Variants in SPOCK3 observed in about 807,000 individuals in gnomAD.
The protein encoded by SPOCK3 is testican-3.
A neutral mutation model predicts 56.6 loss-of-function variants in SPOCK3; 30 were observed. The ratio of observed to expected loss-of-function variants is 0.53; its 90% CI spans 0.40 to 0.72. The LOEUF is 0.72. Ranked by LOEUF, SPOCK3 falls within the 30% of genes least tolerant of loss-of-function variation. The pLI, the probability that SPOCK3 is intolerant of heterozygous loss-of-function variation, is 0.00. For missense variants in SPOCK3, 527 were observed against 530.0 expected (o/e 0.99, Z 0.06); for synonymous variants, 196 against 183.3 (o/e 1.07, Z -0.56).
chr4:167,222,374 A>G lies in SPOCK3; in HGVS notation c.189+11611T>C, dbSNP rs989872070. 4.0e-5 allele frequency among the ~76,000 whole-genome samples: 6 copies of G among 151,736 alleles called. No homozygotes were observed. The East Asian group carries it at 5.8e-4, about 15-fold the overall frequency. The stretch of plus-strand genomic sequence containing the variant: ...AGTTCTGGAGACTGGTTGCAAAACA[A>G]TGTGAATATACTTGACACTACTGAA... On this transcript the variant is annotated intron_variant, in intron 2 of 10. Coordinates refer to ENST00000357545, the MANE Select transcript of SPOCK3 (RefSeq NM_001040159.2).
intron 2 of SPOCK3, among the ~76,000 whole-genome samples, chr4:167,109,403 A>G (rs1332401493): frequency 4.7e-4 from 40 of 84,636 alleles, no homozygotes; most frequent in Non-Finnish European, 4.5e-4. Context: ...ATATATTTAT[A>G]TATAAATATA....
intron 2 of SPOCK3, among the ~76,000 whole-genome samples, chr4:167,116,909 G>GTATATATATATATA (rs1446671235): frequency 0.016 from 1,942 of 123,050 alleles, 50 homozygotes; most frequent in Admixed American, 0.03. Context: ...TTGTGTGTGT[G>GTATATATATATATA]TGTGTATATA....
intron 10 of SPOCK3, 79 bp downstream of exon 10, chr4:166,737,388 G>T: frequency 6.9e-7 from 1 of 1,441,076 alleles, no homozygotes; most frequent in Non-Finnish European, 9.5e-7. Context: ...CTCATTAAAT[G>T]CTTGAACAAA....
chr4:166,739,295 C>G (rs904350965), intron 9 of SPOCK3, among the ~76,000 whole-genome samples: 3 of 152,076 alleles, frequency 2.0e-5, no homozygotes, highest in African/African-American at 7.2e-5. Context: ...GGCTGGAGTG[C>G]AGTGGGGCGA....
At chr4:166,752,546 ATGTGTG>A (rs1560820644) in intron 8 of SPOCK3, among the ~76,000 whole-genome samples, 1 of 63,498 alleles carries the variant, frequency 1.6e-5, no homozygotes, top group Non-Finnish European at 3.5e-5. Flanking sequence ...GAGTAGCTAT[ATGTGTG>A]TATATATATA....
intron 2 of SPOCK3, among the ~76,000 whole-genome samples, chr4:167,171,648 G>A (rs891582912): frequency 6.6e-6 from 1 of 152,028 alleles, no homozygotes; most frequent in African/African-American, 2.4e-5. Flanking sequence ...TACGAGGCAG[G>A]TGAGACAATC....
At chr4:166,841,878 C>A (rs1037759955) in intron 6 of SPOCK3, among the ~76,000 whole-genome samples, 2 of 152,142 alleles carry the variant, frequency 1.3e-5, no homozygotes, top group Admixed American at 6.5e-5. Flanking sequence ...AAGAATGAAG[C>A]CGTGGACCCT....
intron 6 of SPOCK3, among the ~76,000 whole-genome samples, chr4:166,833,490 C>T (rs775241758): frequency 6.6e-6 from 1 of 152,044 alleles, no homozygotes; most frequent in Non-Finnish European, 1.5e-5. Flanking sequence ...CTTTTGGTTC[C>T]TATCGGTTTT....
chr4:167,149,368 C>T (rs757822311), intron 2 of SPOCK3, among the ~76,000 whole-genome samples: 6 of 151,992 alleles, frequency 3.9e-5, no homozygotes, highest in African/African-American at 1.4e-4. Context: ...ATTTGCTATA[C>T]AGAAGGGTGC....
chr4:166,895,260 C>G (rs554279401), intron 5 of SPOCK3, among the ~76,000 whole-genome samples: 1 of 151,476 alleles, frequency 6.6e-6, no homozygotes. Flanking sequence ...GTATATAATA[C>G]GAGATTTGCC....
At chr4:167,069,185 C>T (rs745853695) in intron 2 of SPOCK3, among the ~76,000 whole-genome samples, 6 of 151,930 alleles carry the variant, frequency 3.9e-5, no homozygotes, top group Non-Finnish European at 8.8e-5. Context: ...TTATGACTTG[C>T]GTGACTAATA....
chr4:166,776,382 C>T lies in SPOCK3; in HGVS notation c.709+15788G>A, dbSNP rs191312851. ...GAGCCGAGATTGCACCACTGCACTCCAGTCTGGTGACAGAGTGAGACTCCA... is the reference window on the plus strand; with the variant it reads ...GAGCCGAGATTGCACCACTGCACTCTAGTCTGGTGACAGAGTGAGACTCCA... On this transcript the variant is annotated intron_variant, in intron 7 of 10. Coordinates refer to ENST00000357545, the MANE Select transcript of SPOCK3 (RefSeq NM_001040159.2). Among the ~76,000 whole-genome samples, 234 of 152,184 alleles carry T rather than the reference C, an allele frequency of 1.5e-3. 5 individuals carry two copies. The highest frequency in any genetic ancestry group is 0.015 in the Admixed American group (233 of 15,292).
intron 7 of SPOCK3, among the ~76,000 whole-genome samples, chr4:166,780,176 G>T (rs1053935104): frequency 6.6e-6 from 1 of 152,008 alleles, no homozygotes; most frequent in African/African-American, 2.4e-5. Flanking sequence ...CAGTAACCCA[G>T]AATCTAAAAA....
At chr4:166,915,182 T>G (rs2127109348) in intron 4 of SPOCK3, among the ~76,000 whole-genome samples, 1 of 152,194 alleles carries the variant, frequency 6.6e-6, no homozygotes, top group South Asian at 2.1e-4. Context: ...TGGGAGAGAT[T>G]TTTGCATTTC....
At chr4:166,777,191 C>A in intron 7 of SPOCK3, among the ~76,000 whole-genome samples, 1 of 152,108 alleles carries the variant, frequency 6.6e-6, no homozygotes, top group African/African-American at 2.4e-5. Flanking sequence ...GTTTTAAATG[C>A]ATATATTGAT....
chr4:166,917,084 G>A (rs1201682614), intron 4 of SPOCK3, among the ~76,000 whole-genome samples: 2 of 152,002 alleles, frequency 1.3e-5, no homozygotes. Context: ...ATGAATGAAA[G>A]GAAATAAAAT....
chr4:166,936,573 C>A (rs1378470581), intron 4 of SPOCK3, among the ~76,000 whole-genome samples: 1 of 151,876 alleles, frequency 6.6e-6, no homozygotes, highest in Non-Finnish European at 1.5e-5. Flanking sequence ...AGTGGCACAG[C>A]TTTTCCCATA....
At chr4:167,030,604 T>C (rs1467210814) in intron 3 of SPOCK3, among the ~76,000 whole-genome samples, 2 of 152,060 alleles carry the variant, frequency 1.3e-5, no homozygotes, top group East Asian at 1.9e-4. Flanking sequence ...TTGGTTAAGG[T>C]AAATTGTTTT....
At chr4:166,826,456 A>C (rs1417302134) in intron 6 of SPOCK3, among the ~76,000 whole-genome samples, 1 of 152,050 alleles carries the variant, frequency 6.6e-6, no homozygotes, top group Non-Finnish European at 1.5e-5. Flanking sequence ...TTATTCATTC[A>C]CTCATTCATT....
Sources: allele counts gnomAD v4.1 joint callset (sites outside exome capture counted in the v4.1 genomes callset), GRCh38; gene constraint gnomAD v4.1.1; transcripts MANE v1.5; gene names NCBI Gene and HGNC (gene_info 2026-07-23, HGNC 2026-07-21).